Variants in ADGRL3 observed in about 807,000 individuals in gnomAD.
ADGRL3 encodes the protein calcium-independent alpha-latrotoxin receptor 3.
Under a neutral mutation model 153.5 loss-of-function variants are expected in ADGRL3, and 62 were observed. The observed-to-expected ratio is 0.40, with a 90% CI of 0.33 to 0.50. The LOEUF is 0.50. Among genes scored for constraint, ADGRL3 ranks in the 20% least tolerant of loss-of-function variants. The pLI is 0.47. For synonymous variants in ADGRL3, 710 were observed against 672.5 expected (o/e 1.06, Z -0.86); for missense variants, 1,641 against 1,859.4 (o/e 0.88, Z 2.16).
chr4:61,418,701 T>G (rs1241334199), intron 2 of ADGRL3, among the ~76,000 whole-genome samples: 1 of 150,822 alleles, frequency 6.6e-6, no homozygotes, highest in Non-Finnish European at 1.5e-5. Context: ...GGCCAAATCT[T>G]TGTTCATTTT....
chr4:61,558,958 A>T (rs184848782), intron 4 of ADGRL3, among the ~76,000 whole-genome samples: 60 of 152,076 alleles, frequency 3.9e-4, no homozygotes, highest in African/African-American at 1.4e-3. Context: ...TAAATAGGGG[A>T]TCATAATACT....
intron 4 of ADGRL3, among the ~76,000 whole-genome samples, chr4:61,523,088 C>T (rs539852496): frequency 6.6e-6 from 1 of 151,510 alleles, no homozygotes; most frequent in East Asian, 1.9e-4. Context: ...TGTGTATGTA[C>T]GTGTGCTTGT....
At chr4:61,939,166 T>TA in intron 15 of ADGRL3, among the ~76,000 whole-genome samples, 1 of 152,180 alleles carries the variant, frequency 6.6e-6, no homozygotes, top group East Asian at 1.9e-4. Flanking sequence ...ACAGTGACCT[T>TA]AAAATAACAT....
chr4:61,337,807 A>G (rs956683102), intron 1 of ADGRL3, among the ~76,000 whole-genome samples: 8 of 152,036 alleles, frequency 5.3e-5, no homozygotes, highest in African/African-American at 1.7e-4. Context: ...TATTTATATT[A>G]TTGTGTCTCT....
At chr4:61,321,718 C>A (rs11131323) in intron 1 of ADGRL3, among the ~76,000 whole-genome samples, 1 of 151,466 alleles carries the variant, frequency 6.6e-6, no homozygotes, top group Non-Finnish European at 1.5e-5. Flanking sequence ...CATGTCTAAA[C>A]GTAGAAAAGG....
rs774835926 is a variant in ADGRL3 at position 61,892,679 on chromosome 4, G to C, written c.1504G>C (p.Gly502Arg). The C allele has an allele frequency of 1.2e-6, 2 of 1,613,736 alleles. No homozygotes were observed. Among genetic ancestry groups the C allele is most frequent in the African/African-American group, 2.7e-5 (2 of 74,898 alleles). Residue 502 changes from glycine (G) to arginine (R), a missense_variant, in exon 10 of 27, where the codon GGC (glycine) becomes CGC (arginine). By Grantham distance (125) the Gly-to-Arg change is moderately radical. Coordinates refer to ENST00000683033, the MANE Select transcript of ADGRL3 (RefSeq NM_001387552.1). Reference sequence around the variant, plus strand: ...AGATATCTCTACCACAGGACCTCTTGGCATGGGAAGCACTACCACCAGTAC... The same window carrying C: ...AGATATCTCTACCACAGGACCTCTTCGCATGGGAAGCACTACCACCAGTAC... ...VKDISTTGPL[G>R]MGSTTTSTTL... is the part of the protein sequence containing the mutation.
At chr4:61,615,945 T>C (rs941901584) in intron 5 of ADGRL3, among the ~76,000 whole-genome samples, 19 of 152,114 alleles carry the variant, frequency 1.2e-4, no homozygotes, top group Non-Finnish European at 2.4e-4. Flanking sequence ...TGCTCTATAA[T>C]GAGTAGGGAA....
At chr4:61,324,803 G>A (rs1030860588) in intron 1 of ADGRL3, among the ~76,000 whole-genome samples, 5 of 151,994 alleles carry the variant, frequency 3.3e-5, no homozygotes, top group African/African-American at 4.8e-5. Flanking sequence ...TGGCATTTTT[G>A]TCTTGGCTCT....
chr4:61,202,942 C>T lies in ADGRL3; in HGVS notation c.-240+1177C>T, dbSNP rs966067882. Among the ~76,000 whole-genome samples, 4 of 152,174 alleles carry T rather than the reference C, an allele frequency of 2.6e-5. No homozygotes were observed. The South Asian group carries it at 8.3e-4, about 31-fold the overall frequency. ...TTGCTTATTGAAATCGCCTGGGATC[C>T]TCTTAACTGGAAAATCTGGTTTGAG... On this transcript the variant is annotated intron_variant, in intron 1 of 26. Transcript: ENST00000683033. This position sits in a 1 kb window ranked among gnomAD's most constrained non-coding sequence, Gnocchi z 5.0.
chr4:61,825,470 A>C (rs1314666615), intron 9 of ADGRL3, among the ~76,000 whole-genome samples: 1 of 152,194 alleles, frequency 6.6e-6, no homozygotes, highest in African/African-American at 2.4e-5. Flanking sequence ...AAAGTTCTCA[A>C]CAGAGTTTTC....
chr4:61,279,800 T>C (rs1325679498), intron 1 of ADGRL3, among the ~76,000 whole-genome samples: 1 of 152,130 alleles, frequency 6.6e-6, no homozygotes, highest in Non-Finnish European at 1.5e-5. Context: ...ATTCAGGAAA[T>C]TGATATCAAG....
chr4:61,212,488 A>AT (rs1443972127), intron 1 of ADGRL3, among the ~76,000 whole-genome samples: 1 of 152,168 alleles, frequency 6.6e-6, no homozygotes, highest in African/African-American at 2.4e-5. Context: ...ATCCAGTAGT[A>AT]TTTTTCAAAT....
intron 1 of ADGRL3, among the ~76,000 whole-genome samples, chr4:61,338,668 A>G (rs916958715): frequency 3.9e-5 from 6 of 152,156 alleles, no homozygotes; most frequent in Non-Finnish European, 7.4e-5. Flanking sequence ...AGAACAATTT[A>G]TCCTTTGTAT....
intron 1 of ADGRL3, among the ~76,000 whole-genome samples, chr4:61,364,864 C>T (rs532063776): frequency 6.6e-6 from 1 of 152,188 alleles, no homozygotes; most frequent in African/African-American, 2.4e-5. Flanking sequence ...ACGTTAATGT[C>T]ATTCAATGTC....
intron 17 of ADGRL3, among the ~76,000 whole-genome samples, chr4:61,962,035 AGTT>A (rs1178991145): frequency 6.6e-6 from 1 of 151,928 alleles, no homozygotes; most frequent in African/African-American, 2.4e-5. Flanking sequence ...TTTGAAAGTA[AGTT>A]GTTCAGCCTG....
At chr4:61,499,635 T>C (rs564593290) in intron 3 of ADGRL3, among the ~76,000 whole-genome samples, 325 of 152,248 alleles carry the variant, frequency 2.1e-3, no homozygotes, top group Non-Finnish European at 3.7e-3. Context: ...AATCTATCCC[T>C]CTAGTTAATT....
intron 2 of ADGRL3, among the ~76,000 whole-genome samples, chr4:61,401,119 C>T (rs368247232): frequency 6.7e-6 from 1 of 150,210 alleles, no homozygotes; most frequent in Admixed American, 6.7e-5. Context: ...GAATTATAGT[C>T]CTGGAATTTT....
In ADGRL3 at chr4:61,909,762, TG is replaced by T. The variant is rs1483526064; in HGVS notation, c.2073+18del. On this transcript the variant is annotated intron_variant, in intron 12 of 26. Transcript: ENST00000683033. ...TTGAACAAGGTAAGGACCCTAATTA[TG>T]TGTGTGTGTGTGTGTGTGTGTGTGT... The T allele has an allele frequency of 1.2e-5, 1 of 86,476 alleles. No homozygotes were observed. The highest frequency in any genetic ancestry group is 4.8e-4 in the Admixed American group (1 of 2,076). The allele number at this position is 86,476 out of a possible 1,614,324, so 5.4% of individuals were successfully genotyped here. A position where few individuals can be genotyped will look rare whatever the true frequency, so the allele number is the denominator to read the frequency against.
chr4:61,682,190 A>T (rs2095351159), intron 6 of ADGRL3, among the ~76,000 whole-genome samples: 1 of 151,984 alleles, frequency 6.6e-6, no homozygotes, highest in Non-Finnish European at 1.5e-5. Flanking sequence ...TCATATTATT[A>T]TTATTATTAT....
Sources: gnomAD v4.1 joint callset for allele counts (sites outside exome capture counted in the v4.1 genomes callset) on GRCh38, gnomAD v4.1.1 for gene constraint, Gnocchi (gnomAD v3.1) non-coding constraint, MANE v1.5 for transcripts, NCBI Gene and HGNC (gene_info 2026-07-23, HGNC 2026-07-21) for gene names.